The following ADCK5 variants were observed in gnomAD, a reference collection of about 807,000 sequenced individuals.
ADCK5 encodes the protein uncharacterized aarF domain-containing protein kinase 5.
A neutral mutation model predicts 64.9 loss-of-function variants in ADCK5; 43 were observed. The observed-to-expected ratio is 0.66, with a 90% CI of 0.52 to 0.85. The LOEUF is 0.85. Ranked by LOEUF, ADCK5 falls within the 40% of genes least tolerant of loss-of-function variation. The pLI, the probability that ADCK5 is intolerant of heterozygous loss-of-function variation, is 0.00. For synonymous variants in ADCK5, 434 were observed against 342.8 expected (o/e 1.27, Z -2.94); for missense variants, 760 against 810.5 (o/e 0.94, Z 0.76).
Position 144,392,958 on chromosome 8 carries a change from G to C in ADCK5, c.1638-11G>C. On this transcript the variant is annotated splice_polypyrimidine_tract_variant and intron_variant, in intron 14 of 14. Transcript: ENST00000308860. ...CCCACCCACCTGTGACCTGTGACCT[G>C]ACCCACGCAGGCTGGAGACCTTGGC... 6.3e-7 allele frequency: 1 copy of C among 1,587,154 alleles called. No individual in the cohort carries two copies. The highest frequency in any genetic ancestry group is 8.6e-7 in the Non-Finnish European group (1 of 1,169,480).
At chr8:144,388,290 G>A (rs1414883300) in intron 3 of ADCK5, among the ~76,000 whole-genome samples, 3 of 150,808 alleles carry the variant, frequency 2.0e-5, no homozygotes, top group Non-Finnish European at 4.4e-5. Context: ...CTGGGAGGCG[G>A]AGGTTGCAGT....
chr8:144,380,319 C>T (rs550126937), intron 2 of ADCK5, among the ~76,000 whole-genome samples: 1 of 150,422 alleles, frequency 6.6e-6, no homozygotes, highest in Non-Finnish European at 1.5e-5. Flanking sequence ...TGCTCAGGCA[C>T]CTCCCGCAGT....
At chr8:144,389,155 C>T (rs1302319198) in intron 3 of ADCK5, 4 of 423,212 alleles carry the variant, frequency 9.5e-6, no homozygotes, top group Non-Finnish European at 1.9e-5. Context: ...GGGGACACCC[C>T]TCTACCCCAT....
intron 2 of ADCK5, among the ~76,000 whole-genome samples, chr8:144,382,325 A>C (rs1315966828): frequency 1.3e-5 from 2 of 152,250 alleles, no homozygotes; most frequent in African/African-American, 2.4e-5. Flanking sequence ...CACCTCCCGC[A>C]CTCAGCGTTA....
At position 144,391,834 on chromosome 8, in the gene ADCK5, G is replaced by A. The variant is rs1417867706; in HGVS notation, c.982G>A (p.Ala328Thr). 2 of 1,338,424 alleles carry A rather than the reference G, an allele frequency of 1.5e-6. No individual in the cohort carries two copies. Among genetic ancestry groups the A allele is most frequent in the African/African-American group, 1.5e-5 (1 of 64,620 alleles). 82.9% of individuals were successfully genotyped at this position (1,338,424 alleles called of 1,614,324 possible). Reference protein sequence around the residue: ...CAGCKVNDVEAIRSQGLAVHD... With the variant: ...CAGCKVNDVETIRSQGLAVHD... ...CGGCTGCAAGGTCAACGATGTGGAG[G>A]CCATCAGGAGCCAGGGGCTGGCAGT... The change falls in exon 9 of 15, where the codon GCC becomes ACC. Residue 328 changes from alanine to threonine, a missense_variant. By Grantham distance (58) the Ala-to-Thr change is moderately conservative. This residue lies in a region of ADCK5 where 427 missense variants were observed against 518.4 expected (regional missense o/e 0.82). Coordinates refer to ENST00000308860, the MANE Select transcript of ADCK5 (RefSeq NM_174922.5).
At chr8:144,378,863 A>G (rs1819481408) in intron 1 of ADCK5, among the ~76,000 whole-genome samples, 1 of 151,944 alleles carries the variant, frequency 6.6e-6, no homozygotes, top group African/African-American at 2.4e-5. Flanking sequence ...TGGGCGACAG[A>G]GTGAGACTCC....
intron 3 of ADCK5, among the ~76,000 whole-genome samples, chr8:144,389,918 TCTCGGGTTCAAGCAATTCTC>T (rs1325579612): frequency 2.0e-5 from 3 of 151,456 alleles, no homozygotes; most frequent in African/African-American, 7.3e-5. Context: ...AACCTCTGCC[TCTCGGGTTCAAGCAATTCTC>T]CTGCCTCAGT....
Position 144,376,383 on chromosome 8 carries a change from C to T in ADCK5, c.12+2276C>T, listed in dbSNP as rs929508196. On this transcript the variant is annotated intron_variant, in intron 1 of 14. Transcript: ENST00000308860. The surrounding 1 kb of genome is among the most constrained non-coding windows in gnomAD (Gnocchi z 5.1). Reference sequence around the variant, plus strand: ...TGAGGACAGTGGCAGGATAGGACCACGGTGAACAAGGTGGAGCGGGACGTG... The same window carrying T: ...TGAGGACAGTGGCAGGATAGGACCATGGTGAACAAGGTGGAGCGGGACGTG... Among the ~76,000 whole-genome samples, 4 of 152,144 alleles carry T rather than the reference C, an allele frequency of 2.6e-5. No individual in the cohort carries two copies. Among genetic ancestry groups the T allele is most frequent in the Admixed American group, 1.3e-4 (2 of 15,260 alleles).
chr8:144,383,088 A>G lies in ADCK5; in HGVS notation c.124A>G (p.Ser42Gly). 4 of 1,588,184 alleles carry G rather than the reference A, an allele frequency of 2.5e-6. No homozygotes were observed. Among genetic ancestry groups the G allele is most frequent in the Non-Finnish European group, 3.4e-6 (4 of 1,167,410 alleles). ...TGCATTGTCTCTCCTCAGGTTCTCCAGCCCCACACCCCTGTGGAGGAAGGT... is the reference window on the plus strand; with the variant it reads ...TGCATTGTCTCTCCTCAGGTTCTCCGGCCCCACACCCCTGTGGAGGAAGGT... ...NVRGLPPRFSSPTPLWRKVLS... is the reference protein window; with the variant it reads ...NVRGLPPRFSGPTPLWRKVLS... Residue 42 changes from serine (S) to glycine (G), a missense_variant, in exon 3 of 15, where the codon AGC (serine) becomes GGC (glycine). This residue lies in a region of ADCK5 where 427 missense variants were observed against 518.4 expected (regional missense o/e 0.82). Transcript: ENST00000308860.
chr8:144,392,188 G>T lies in ADCK5; in HGVS notation c.1175+18G>T. ...GAGGAGAAGTGAGCGCGGGTGGGTG[G>T]GCGTGGGGCAGGGCAAGCCTCTCCT... On this transcript the variant is annotated intron_variant, in intron 11 of 14. Coordinates refer to ENST00000308860, the MANE Select transcript of ADCK5 (RefSeq NM_174922.5). 6.4e-7 allele frequency: 1 copy of T among 1,551,758 alleles called. No homozygotes were observed. Among genetic ancestry groups the T allele is most frequent in the Non-Finnish European group, 8.7e-7 (1 of 1,152,224 alleles).
chr8:144,374,555 CCGGCGCCCCG>C (rs1819286562), intron 1 of ADCK5, among the ~76,000 whole-genome samples: 2 of 152,124 alleles, frequency 1.3e-5, no homozygotes, highest in Non-Finnish European at 2.9e-5. Flanking sequence ...AGGCGGGTGC[CCGGCGCCCCG>C]GAGAGCGCGA....
intron 1 of ADCK5, 61 bp downstream of exon 1, chr8:144,374,168 AC>A (rs1473407598): frequency 2.2e-5 from 27 of 1,242,086 alleles, no homozygotes; most frequent in Non-Finnish European, 2.7e-5. Context: ...GAGACCCGAG[AC>A]CCGCAAGTCC....
intron 3 of ADCK5, among the ~76,000 whole-genome samples, chr8:144,387,326 C>T (rs1207767783): frequency 6.6e-6 from 1 of 152,184 alleles, no homozygotes; most frequent in African/African-American, 2.4e-5. Flanking sequence ...CCATTTGATT[C>T]CCTTGTAATT....
At position 144,383,097 on chromosome 8, in the gene ADCK5, C is replaced by G. The variant is rs782012182; in HGVS notation, c.133C>G (p.Pro45Ala). 18 of 1,588,190 alleles carry G rather than the reference C, an allele frequency of 1.1e-5. No individual in the cohort carries two copies. Among genetic ancestry groups the G allele is most frequent in the Non-Finnish European group, 1.5e-5 (18 of 1,167,496 alleles). The change falls in exon 3 of 15, where the codon CCC becomes GCC. Residue 45 changes from proline to alanine, a missense_variant. Pro to Ala is a conservative substitution (Grantham distance 27). Transcript: ENST00000308860. ...GLPPRFSSPT[P>A]LWRKVLSTAV... ...TCTCCTCAGGTTCTCCAGCCCCACA[C>G]CCCTGTGGAGGAAGGTGCTCTCCAC... is the stretch of plus-strand genomic sequence containing the variant.
At chr8:144,388,422 T>C (rs1207977221) in intron 3 of ADCK5, among the ~76,000 whole-genome samples, 3 of 151,832 alleles carry the variant, frequency 2.0e-5, no homozygotes, top group Non-Finnish European at 1.5e-5. Flanking sequence ...TTTCACATCT[T>C]TAAGTTTTGT....
chr8:144,390,801 G>A, intron 4 of ADCK5, 55 bp downstream of exon 4: 1 of 1,607,320 alleles, frequency 6.2e-7, no homozygotes, highest in Non-Finnish European at 8.5e-7. Context: ...TGGGCTGGGT[G>A]GGACTGAGGA....
At chr8:144,378,013 A>T (rs1237346816) in intron 1 of ADCK5, among the ~76,000 whole-genome samples, 2 of 152,204 alleles carry the variant, frequency 1.3e-5, no homozygotes, top group African/African-American at 2.4e-5. Context: ...GATGAGCCAG[A>T]TGGTGATGCC....
At chr8:144,389,312 C>T (rs1262405396) in intron 3 of ADCK5, 2 of 456,582 alleles carry the variant, frequency 4.4e-6, no homozygotes, top group Non-Finnish European at 8.8e-6. Flanking sequence ...GTCCTCCTCT[C>T]TTCCTAGTGG....
At chr8:144,375,732 C>T (rs1398109259) in intron 1 of ADCK5, 3 of 843,054 alleles carry the variant, frequency 3.6e-6, no homozygotes, top group Admixed American at 1.2e-4. Context: ...TTTGTGCAGA[C>T]AGACTGCACA....
Sources: gnomAD v4.1 joint callset for allele counts (sites outside exome capture counted in the v4.1 genomes callset) on GRCh38, gnomAD v4.1.1 for gene constraint, gnomAD v4.1.1 regional missense constraint, Gnocchi (gnomAD v3.1) non-coding constraint, MANE v1.5 for transcripts, NCBI Gene and HGNC (gene_info 2026-07-23, HGNC 2026-07-21) for gene names.